SPATA13: variants seen among roughly 807,000 people sequenced by gnomAD.
The protein encoded by SPATA13 is spermatogenesis associated 13, also known as spermatogenesis-associated protein 13.
SPATA13 carries 50 observed loss-of-function variants against 104.0 expected under a neutral mutation model. The ratio of observed to expected loss-of-function variants is 0.48; its 90% CI spans 0.38 to 0.61. The LOEUF (loss-of-function observed/expected upper bound fraction) is 0.61. Ranked by LOEUF, SPATA13 falls within the 20% of genes least tolerant of loss-of-function variation. SPATA13 has a pLI of 0.00. For synonymous variants in SPATA13, 606 were observed against 667.5 expected, an observed-to-expected ratio of 0.91 and a Z score of 1.42; for missense variants, 1,524 against 1,690.6, an observed-to-expected ratio of 0.90 and a Z score of 1.73.
At chr13:24,198,064 C>T (rs1423729517) in intron 1 of SPATA13, among the ~76,000 whole-genome samples, 1 of 152,126 alleles carries the variant, frequency 6.6e-6, no homozygotes, top group African/African-American at 2.4e-5. Context: ...GGCATGATCT[C>T]TGCTTACTGC....
chr13:24,028,838 T>C (rs1159948735), intron 3 of SPATA13, among the ~76,000 whole-genome samples: 1 of 152,184 alleles, frequency 6.6e-6, no homozygotes, highest in African/African-American at 2.4e-5. Flanking sequence ...ATTTCTCTAT[T>C]TTAAAGATTT....
At chr13:24,278,451 T>G (rs1389917466) in intron 4 of SPATA13, among the ~76,000 whole-genome samples, 1 of 152,194 alleles carries the variant, frequency 6.6e-6, no homozygotes, top group Non-Finnish European at 1.5e-5. Context: ...TTTAATTTTT[T>G]TTTAATTTAT....
chr13:24,268,985 G>GTGTT (rs1319223769), intron 4 of SPATA13, among the ~76,000 whole-genome samples: 4 of 152,136 alleles, frequency 2.6e-5, no homozygotes, highest in African/African-American at 9.7e-5. Context: ...GTCAACATGT[G>GTGTT]TGTTATTACT....
chr13:24,165,598 C>T (rs1055833292), intron 1 of SPATA13, among the ~76,000 whole-genome samples: 5 of 152,056 alleles, frequency 3.3e-5, no homozygotes, highest in African/African-American at 9.7e-5. Flanking sequence ...ACCCCAACTC[C>T]AACTTTAGCA....
chr13:24,198,419 A>G (rs540869465), intron 1 of SPATA13, among the ~76,000 whole-genome samples: 51 of 152,308 alleles, frequency 3.3e-4, no homozygotes, highest in African/African-American at 1.1e-3. Flanking sequence ...TCAGGTACAC[A>G]TGTGTTTTGC....
intron 3 of SPATA13, among the ~76,000 whole-genome samples, chr13:24,028,479 G>A (rs1877334289): frequency 6.6e-6 from 1 of 152,188 alleles, no homozygotes; most frequent in Non-Finnish European, 1.5e-5. Context: ...CAGTTGTGAT[G>A]TCAGCTGGTG....
chr13:24,029,456 A>G (rs1486292220), intron 3 of SPATA13, among the ~76,000 whole-genome samples: 1 of 152,196 alleles, frequency 6.6e-6, no homozygotes, highest in Non-Finnish European at 1.5e-5. Flanking sequence ...TGCCATAAAA[A>G]ATACAGAATG....
At chr13:24,099,444 TCGTCAGTGGCCACGCACA>T (rs1880185830) in intron 3 of SPATA13, among the ~76,000 whole-genome samples, 1 of 152,208 alleles carries the variant, frequency 6.6e-6, no homozygotes, top group African/African-American at 2.4e-5. Context: ...ACATTCCAAG[TCGTCAGTGGCCACGCACA>T]CTAGTGGCCG....
At chr13:23,983,187 C>T (rs1174472053) in intron 1 of SPATA13, among the ~76,000 whole-genome samples, 1 of 152,164 alleles carries the variant, frequency 6.6e-6, no homozygotes, top group Non-Finnish European at 1.5e-5. Context: ...CCTTGATTGT[C>T]CCAGTGCTGG....
chr13:24,255,008 C>T (rs893541860), intron 4 of SPATA13, among the ~76,000 whole-genome samples: 11 of 152,144 alleles, frequency 7.2e-5, no homozygotes, highest in Non-Finnish European at 1.6e-4. Context: ...CAGTTATACT[C>T]CTTCCCCAAA....
chr13:24,136,118 A>C (rs1346983156), intron 3 of SPATA13, among the ~76,000 whole-genome samples: 1 of 152,210 alleles, frequency 6.6e-6, no homozygotes, highest in Non-Finnish European at 1.5e-5. Context: ...GAAGATTATT[A>C]ACAGGAAATA....
intron 3 of SPATA13, among the ~76,000 whole-genome samples, chr13:24,080,288 T>C (rs1879468229): frequency 1.3e-5 from 2 of 152,168 alleles, no homozygotes; most frequent in Non-Finnish European, 2.9e-5. Context: ...TGTAAACAAA[T>C]GGCTCAGGAC....
At chr13:24,251,038 C>T (rs1432591473) in intron 3 of SPATA13, among the ~76,000 whole-genome samples, 2 of 152,258 alleles carry the variant, frequency 1.3e-5, no homozygotes, top group African/African-American at 4.8e-5. Context: ...AAAAAGAAAT[C>T]TAAGGAACGT....
intron 3 of SPATA13, among the ~76,000 whole-genome samples, chr13:24,053,998 C>T (rs1195590465): frequency 6.6e-6 from 1 of 152,144 alleles, no homozygotes; most frequent in African/African-American, 2.4e-5. Flanking sequence ...GCCTCTGTGT[C>T]GTTGGGGTGA....
At chr13:24,087,072 C>A (rs957014788) in intron 3 of SPATA13, among the ~76,000 whole-genome samples, 6 of 152,176 alleles carry the variant, frequency 3.9e-5, no homozygotes, top group Non-Finnish European at 5.9e-5. Flanking sequence ...TGGGGTCCCT[C>A]CCCCAGTCAC....
intron 3 of SPATA13, among the ~76,000 whole-genome samples, chr13:24,250,608 A>C (rs1173574996): frequency 2.0e-5 from 3 of 152,208 alleles, no homozygotes; most frequent in African/African-American, 7.2e-5. Context: ...CTTAAAAGGG[A>C]ACTCCTATGG....
rs1876156510 is a variant in SPATA13 at position 24,289,085 on chromosome 13, C to T, written c.2754C>T (p.Tyr918=). ...ATIFGNIEDI[Y]KFQRKFLKDL... ...TTTTTGGAAACATTGAAGATATTTA[C>T]AAATTCCAAAGAAAGTTTCTGAAAG... Residue 918 remains tyrosine, a synonymous_variant, in exon 8 of 13, where the codon TAC becomes TAT. Transcript: ENST00000382108. The T allele has an allele frequency of 1.9e-6, 3 of 1,613,932 alleles. No homozygotes were observed. The East Asian group carries it at 6.7e-5, about 36-fold the overall frequency.
intron 1 of SPATA13, among the ~76,000 whole-genome samples, chr13:24,196,639 G>A (rs1377135990): frequency 6.6e-6 from 1 of 152,148 alleles, no homozygotes; most frequent in Non-Finnish European, 1.5e-5. Context: ...GGGAGGATGA[G>A]GTGGGAGGAT....
intron 3 of SPATA13, among the ~76,000 whole-genome samples, chr13:24,022,973 G>T (rs781335735): frequency 6.6e-6 from 1 of 151,898 alleles, no homozygotes; most frequent in Non-Finnish European, 1.5e-5. Context: ...AAGTTCTAGG[G>T]TACATGTGCA....
Sources: gnomAD v4.1 joint callset for allele counts (sites outside exome capture counted in the v4.1 genomes callset) on GRCh38, gnomAD v4.1.1 for gene constraint, MANE v1.5 for transcripts, NCBI Gene and HGNC (gene_info 2026-07-23, HGNC 2026-07-21) for gene names.